CD163L1: variants seen among roughly 807,000 people sequenced by gnomAD.
CD163L1 encodes the protein CD163 molecule like 1, also known as scavenger receptor cysteine-rich type 1 protein M160.
Under a neutral mutation model 165.4 loss-of-function variants are expected in CD163L1, and 124 were observed. The ratio of observed to expected loss-of-function variants is 0.75; its 90% CI spans 0.65 to 0.87. The LOEUF (loss-of-function observed/expected upper bound fraction) is 0.87. Ranked by LOEUF, CD163L1 falls within the 40% of genes least tolerant of loss-of-function variation. The probability of loss-of-function intolerance (pLI) is 0.00; values close to 1 mark genes in which losing one functional copy is unlikely to be tolerated. For synonymous variants in CD163L1, 585 were observed against 662.2 expected (o/e 0.88, Z 1.79); for missense variants, 1,525 against 1,799.9 (o/e 0.85, Z 2.76).
intron 7 of CD163L1, among the ~76,000 whole-genome samples, chr12:7,397,477 A>G (rs1006191291): frequency 6.6e-6 from 1 of 152,218 alleles, no homozygotes; most frequent in Non-Finnish European, 1.5e-5. Flanking sequence ...GATGGAATAG[A>G]ATTCTGAAAA....
chr12:7,420,678 A>G (rs1440063089), intron 4 of CD163L1, among the ~76,000 whole-genome samples: 5 of 152,068 alleles, frequency 3.3e-5, no homozygotes, highest in Admixed American at 6.6e-5. Context: ...CTCCTGCAAG[A>G]ATGGCCATAA....
At chr12:7,382,659 C>T (rs1947435735) in intron 8 of CD163L1, among the ~76,000 whole-genome samples, 1 of 152,164 alleles carries the variant, frequency 6.6e-6, no homozygotes, top group African/African-American at 2.4e-5. Flanking sequence ...CTAGAGTTTG[C>T]ACAATAGCGT....
chr12:7,440,078 C>G (rs1948800994), intron 2 of CD163L1: 3 of 1,033,792 alleles, frequency 2.9e-6, no homozygotes, highest in East Asian at 2.6e-5. Flanking sequence ...TACTCCACAT[C>G]AGCGGCGTAA....
chr12:7,324,643 G>C, the CD163L1 span: 4 of 1,593,730 alleles, frequency 2.5e-6, no homozygotes, highest in South Asian at 3.3e-5. Flanking sequence ...ATATTTTCAA[G>C]TTCTGTCCAT....
intron 4 of CD163L1, among the ~76,000 whole-genome samples, chr12:7,417,803 A>G (rs1038629707): frequency 1.3e-5 from 2 of 152,130 alleles, no homozygotes; most frequent in South Asian, 2.1e-4. Context: ...GTGCTGCTGG[A>G]TTTAGTTTGC....
chr12:7,402,128 G>A (rs1192219288), intron 6 of CD163L1, among the ~76,000 whole-genome samples: 2 of 151,806 alleles, frequency 1.3e-5, no homozygotes, highest in Non-Finnish European at 2.9e-5. Context: ...ATTCAAGAAT[G>A]TCAGGTTAGT....
the CD163L1 span, among the ~76,000 whole-genome samples, chr12:7,329,066 CTG>C: frequency 1.4e-5 from 2 of 147,088 alleles, no homozygotes; most frequent in Admixed American, 6.8e-5. Context: ...ATGTATATAT[CTG>C]TATATAAATA....
chr12:7,338,557 G>A, the CD163L1 span, among the ~76,000 whole-genome samples: 2 of 152,118 alleles, frequency 1.3e-5, no homozygotes, highest in African/African-American at 4.8e-5. Context: ...AGAAGTCTAG[G>A]GAAACAGGCC....
At chr12:7,340,640 A>G in the CD163L1 span, among the ~76,000 whole-genome samples, 2 of 151,650 alleles carry the variant, frequency 1.3e-5, no homozygotes, top group Admixed American at 1.3e-4. Flanking sequence ...AGGCAGAGGA[A>G]CAATACTCCA....
intron 4 of CD163L1, among the ~76,000 whole-genome samples, chr12:7,407,425 A>G (rs924143825): frequency 6.6e-6 from 1 of 152,044 alleles, no homozygotes. Context: ...TAAAACTTCT[A>G]AAGGTGAAAG....
In CD163L1 at chr12:7,380,327, ATGTATACACGTATACATACATGTATGTG is replaced by A. The variant is rs1565784137; in HGVS notation, c.2051-1057_2051-1030del. On this transcript the variant is annotated intron_variant, in intron 8 of 19. Transcript: ENST00000313599. ...TATACACATATACATACATATATGT[ATGTATACACGTATACATACATGTATGTG>A]TGTATACGCGTATACATACATGTAT... is the stretch of plus-strand genomic sequence containing the variant. Among the ~76,000 whole-genome samples the A allele has an allele frequency of 7.1e-3, 335 of 47,208 alleles. 1 individual carries two copies. The highest frequency in any genetic ancestry group is 0.016 in the African/African-American group (318 of 19,546). The allele number at this position is 47,208 out of a possible 152,430, so 31.0% of individuals were successfully genotyped here.
rs775920670 is a variant in CD163L1 at position 7,373,616 on chromosome 12, C to A, written c.3434G>T (p.Ser1145Ile). 1 of 1,606,874 alleles carries A rather than the reference C, an allele frequency of 6.2e-7. No individual in the cohort carries two copies. Among genetic ancestry groups the A allele is most frequent in the Admixed American group, 1.7e-5 (1 of 59,684 alleles). The stretch of plus-strand genomic sequence containing the variant: ...AGCACAGCTCTCTGTTTCAGTTTCA[C>A]TGTAGAGCCTCAAGGCTGTGAATTC... ...CSEFTALRLY[S>I]ETETESCAGR... The change falls in exon 14 of 20, where the codon AGT becomes ATT. Residue 1145 changes from serine to isoleucine, a missense_variant. Transcript: ENST00000313599.
chr12:7,367,963 C>A, intron 17 of CD163L1, 124 bp downstream of exon 17: 1 of 656,684 alleles, frequency 1.5e-6, no homozygotes, highest in South Asian at 1.9e-5. Flanking sequence ...TTTGGCCTGG[C>A]ACTTTCCAAT....
chr12:7,326,663 A>T, the CD163L1 span, among the ~76,000 whole-genome samples: 1 of 152,198 alleles, frequency 6.6e-6, no homozygotes, highest in African/African-American at 2.4e-5. Context: ...GGTCATCCAT[A>T]AACCAAGGAC....
chr12:7,358,561 A>G (rs1156812078), intron 18 of CD163L1, among the ~76,000 whole-genome samples: 1 of 152,162 alleles, frequency 6.6e-6, no homozygotes, highest in African/African-American at 2.4e-5. Flanking sequence ...AAGAAATATT[A>G]GCCTCTGACA....
At chr12:7,356,721 C>G (rs987939684) in intron 19 of CD163L1, among the ~76,000 whole-genome samples, 1 of 152,150 alleles carries the variant, frequency 6.6e-6, no homozygotes, top group Non-Finnish European at 1.5e-5. Context: ...ACCATCCACT[C>G]TAACTGAGAG....
chr12:7,396,472 T>G (rs928388420), intron 7 of CD163L1, 57 bp from the exon 8 acceptor site: 16 of 1,466,008 alleles, frequency 1.1e-5, no homozygotes, highest in Non-Finnish European at 1.5e-5. Flanking sequence ...ATTTTATATG[T>G]CAACTTGGCT....
At chr12:7,437,543 A>C (rs1316769363) in intron 2 of CD163L1, among the ~76,000 whole-genome samples, 1 of 151,228 alleles carries the variant, frequency 6.6e-6, no homozygotes, top group Non-Finnish European at 1.5e-5. Context: ...TGTCCAAGTG[A>C]TCTCATTGTT....
At chr12:7,331,885 T>G in the CD163L1 span, among the ~76,000 whole-genome samples, 1 of 152,106 alleles carries the variant, frequency 6.6e-6, no homozygotes, top group Non-Finnish European at 1.5e-5. Context: ...CCTCTCCTCC[T>G]CCAAAGGAAC....
Sources: gnomAD v4.1 joint callset for allele counts (sites outside exome capture counted in the v4.1 genomes callset) on GRCh38, gnomAD v4.1.1 for gene constraint, MANE v1.5 for transcripts, NCBI Gene and HGNC (gene_info 2026-07-23, HGNC 2026-07-21) for gene names.